NEXMIF: variants seen among roughly 807,000 people sequenced by gnomAD.
NEXMIF encodes XLMR protein related to neurite extension.
In NEXMIF, 8 loss-of-function variants were observed where a neutral mutation model predicts 62.1. The ratio of observed to expected loss-of-function variants is 0.13; its 90% CI spans 0.08 to 0.23. The LOEUF is 0.23. Ranked by LOEUF, NEXMIF falls within the 10% of genes least tolerant of loss-of-function variation. NEXMIF has a pLI of 1.00. For synonymous variants in NEXMIF, 404 were observed against 416.6 expected (o/e 0.97, Z 0.37); for missense variants, 976 against 1,113.3 (o/e 0.88, Z 1.75).
At chrX:74,853,808 T>C (rs1034633453) in intron 1 of NEXMIF, among the ~76,000 whole-genome samples, 2 of 111,261 alleles carry the variant, frequency 1.8e-5, no homozygotes, top group Admixed American at 1.9e-4. Flanking sequence ...AGAACAACTA[T>C]ACATTAACAA....
At chrX:74,919,717 TG>T (rs1411277741) in intron 1 of NEXMIF, among the ~76,000 whole-genome samples, 27 of 110,866 alleles carry the variant, frequency 2.4e-4, no homozygotes, top group Admixed American at 1.2e-3. Flanking sequence ...GCTGGTGTGC[TG>T]CACCCATTAA....
At chrX:74,757,511 A>T (rs2080163002) in intron 1 of NEXMIF, among the ~76,000 whole-genome samples, 1 of 111,947 alleles carries the variant, frequency 8.9e-6, no homozygotes, top group African/African-American at 3.2e-5. Flanking sequence ...CGGGTATCTT[A>T]TCTCCATGGA....
At position 74,745,662 on chromosome X, in the gene NEXMIF, C is replaced by T. The variant is rs1263469911; in HGVS notation, c.-12G>A. On this transcript the variant is annotated 5_prime_UTR_variant, in exon 2 of 4. Coordinates refer to ENST00000055682, the MANE Select transcript of NEXMIF (RefSeq NM_001008537.3). ...TGTTGGTTATCCATGAATATAACCT[C>T]TTATTGTTTCATTCCAAGTCCAAAT... 9.2e-7 allele frequency: 1 copy of T among 1,085,076 alleles called. No homozygotes were observed. The highest frequency in any genetic ancestry group is 1.8e-5 in the African/African-American group (1 of 55,462). The allele number at this position is 1,085,076 out of a possible 1,213,427, so 89.4% of individuals were successfully genotyped here. A position where few individuals can be genotyped will look rare whatever the true frequency, so the allele number is the denominator to read the frequency against.
chrX:74,885,736 C>A (rs1385044439), intron 1 of NEXMIF, among the ~76,000 whole-genome samples: 1 of 111,790 alleles, frequency 8.9e-6, no homozygotes, highest in Non-Finnish European at 1.9e-5. Context: ...GGAGCTGGTA[C>A]CATTCATTCT....
At chrX:74,859,754 G>A (rs190651498) in intron 1 of NEXMIF, among the ~76,000 whole-genome samples, 101 of 111,299 alleles carry the variant, frequency 9.1e-4, no homozygotes, top group African/African-American at 3.0e-3. Context: ...GTTAAAAAGC[G>A]GGAGGATGAA....
At chrX:74,899,274 G>T (rs2080741734) in intron 1 of NEXMIF, among the ~76,000 whole-genome samples, 1 of 111,579 alleles carries the variant, frequency 9.0e-6, no homozygotes, top group South Asian at 3.7e-4. Flanking sequence ...AGGAAAGAAA[G>T]AAGTTAAATT....
chrX:74,794,701 G>A (rs905172460), intron 1 of NEXMIF, among the ~76,000 whole-genome samples: 3 of 111,635 alleles, frequency 2.7e-5, no homozygotes, highest in Non-Finnish European at 3.8e-5. Flanking sequence ...TAAGCCCGTC[G>A]GAAAAGCGCC....
intron 1 of NEXMIF, among the ~76,000 whole-genome samples, chrX:74,851,006 T>C (rs1427309599): frequency 1.8e-5 from 2 of 109,004 alleles, no homozygotes; most frequent in African/African-American, 6.7e-5. Flanking sequence ...GAGAAATTTA[T>C]CAAAGAGATA....
At chrX:74,794,565 C>T (rs1354132776) in intron 1 of NEXMIF, among the ~76,000 whole-genome samples, 1 of 112,494 alleles carries the variant, frequency 8.9e-6, no homozygotes, top group Non-Finnish European at 1.9e-5. Context: ...GCGAGCGCCC[C>T]TCCCCCAGCC....
At chrX:74,894,147 A>AT (rs1432917051) in intron 1 of NEXMIF, among the ~76,000 whole-genome samples, 17 of 109,613 alleles carry the variant, frequency 1.6e-4, no homozygotes, top group African/African-American at 4.7e-4. Flanking sequence ...CAAAAAAAAA[A>AT]ATATATCTGG....
intron 1 of NEXMIF, among the ~76,000 whole-genome samples, chrX:74,837,048 C>T (rs1003557102): frequency 7.2e-5 from 8 of 111,125 alleles, no homozygotes; most frequent in Non-Finnish European, 1.5e-4. Context: ...CTGACTGAGC[C>T]CAGCATGGCT....
In NEXMIF at chrX:74,743,853, T is replaced by C. The variant is rs2080116809; in HGVS notation, c.704A>G (p.Tyr235Cys). ...CTTGTCTAACAGTAATGCCTCATAA[T>C]AGCTTTTCTGAGCCGGATCCTCCAA... Reference protein sequence around the residue: ...IDLEDPAQKSYYEALLLDKCN... With the variant: ...IDLEDPAQKSCYEALLLDKCN... The change falls in exon 3 of 4, where the codon TAT becomes TGT. Residue 235 changes from tyrosine (Y) to cysteine (C), a missense_variant. Tyr to Cys is a radical substitution (Grantham distance 194). Around this residue, in one of 5 missense-constraint regions of NEXMIF, gnomAD observed 45 missense variants for 86.8 expected, o/e 0.52. Transcript: ENST00000055682. The C allele has an allele frequency of 8.3e-7, 1 of 1,209,785 alleles. No individual in the cohort carries two copies. The highest frequency in any genetic ancestry group is 1.1e-6 in the Non-Finnish European group (1 of 895,228).
At chrX:74,879,606 A>T (rs1421815313) in intron 1 of NEXMIF, among the ~76,000 whole-genome samples, 3 of 112,295 alleles carry the variant, frequency 2.7e-5, no homozygotes, top group Non-Finnish European at 5.6e-5. Flanking sequence ...CAAAGCATAC[A>T]TAGTAAAGAC....
At chrX:74,901,782 A>C (rs910619991) in intron 1 of NEXMIF, among the ~76,000 whole-genome samples, 2 of 111,482 alleles carry the variant, frequency 1.8e-5, no homozygotes, top group African/African-American at 3.3e-5. Flanking sequence ...TTTTATCTAC[A>C]AATGACTTAC....
intron 1 of NEXMIF, among the ~76,000 whole-genome samples, chrX:74,848,676 G>A (rs939580900): frequency 8.9e-6 from 1 of 112,319 alleles, no homozygotes; most frequent in Non-Finnish European, 1.9e-5. Context: ...TTAATAAGTA[G>A]GTCTTGGTAA....
At chrX:74,890,329 A>G (rs2080713646) in intron 1 of NEXMIF, among the ~76,000 whole-genome samples, 1 of 111,137 alleles carries the variant, frequency 9.0e-6, no homozygotes, top group African/African-American at 3.3e-5. Flanking sequence ...GTACAACTTT[A>G]TTTTGAGGAA....
intron 1 of NEXMIF, among the ~76,000 whole-genome samples, chrX:74,904,727 G>A (rs571057933): frequency 1.8e-4 from 20 of 110,030 alleles, no homozygotes; most frequent in South Asian, 1.6e-3. Flanking sequence ...TCTCCCCACC[G>A]CTCTTTTTTT....
At chrX:74,840,713 T>C (rs1315543827) in intron 1 of NEXMIF, among the ~76,000 whole-genome samples, 1 of 112,218 alleles carries the variant, frequency 8.9e-6, no homozygotes, top group Non-Finnish European at 1.9e-5. Flanking sequence ...TAGCCAGTTA[T>C]CTCGTCACTA....
chrX:74,825,659 A>G (rs1176987813), intron 1 of NEXMIF, among the ~76,000 whole-genome samples: 3 of 111,735 alleles, frequency 2.7e-5, no homozygotes, highest in African/African-American at 9.8e-5. Context: ...GGTTCAAGTG[A>G]TTCTCCTGCT....
Sources: gnomAD v4.1 joint callset for allele counts (sites outside exome capture counted in the v4.1 genomes callset) on GRCh38, gnomAD v4.1.1 for gene constraint, gnomAD v4.1.1 regional missense constraint, MANE v1.5 for transcripts, NCBI Gene and HGNC (gene_info 2026-07-23, HGNC 2026-07-21) for gene names.